The following PDE6B variants were observed in gnomAD, a reference collection of about 807,000 sequenced individuals.
PDE6B encodes the protein rod cGMP-specific 3',5'-cyclic phosphodiesterase subunit beta.
PDE6B carries 106 observed loss-of-function variants against 109.0 expected under a neutral mutation model. That is an observed-to-expected ratio of 0.97 (90% CI 0.83 to 1.14). The LOEUF is 1.14. Ranked by LOEUF, PDE6B falls within the 50% of genes most tolerant of loss-of-function variation. PDE6B has a pLI of 0.00. For missense variants in PDE6B, 1,193 were observed against 1,155.6 expected (o/e 1.03, Z -0.47); for synonymous variants, 490 against 471.3 (o/e 1.04, Z -0.51).
At chr4:655,659 A>G (rs1324813184) in intron 6 of PDE6B, 1 of 544,658 alleles carries the variant, frequency 1.8e-6, no homozygotes, top group African/African-American at 1.9e-5. Flanking sequence ...CTCAGAGAAG[A>G]GAGTAAATGC....
intron 10 of PDE6B, 66 bp from the exon 11 acceptor site, chr4:658,886 C>T (rs112576560): frequency 5.8e-5 from 67 of 1,153,068 alleles, no homozygotes; most frequent in Middle Eastern, 3.9e-4. Context: ...ACGGGGTGGA[C>T]GCACCGCCGT....
At position 666,496 on chromosome 4, in the gene PDE6B, G is replaced by T. The variant is rs780157699; in HGVS notation, c.2269-35G>T. 14 of 1,487,986 alleles carry T rather than the reference G, an allele frequency of 9.4e-6. No individual in the cohort carries two copies. Among genetic ancestry groups the T allele is most frequent in the Non-Finnish European group, 1.3e-5 (14 of 1,066,174 alleles). 92.2% of individuals were successfully genotyped at this position (1,487,986 alleles called of 1,614,324 possible). A position where few individuals can be genotyped will look rare whatever the true frequency, so the allele number is the denominator to read the frequency against. ...CGGGGCCCCAGGAGCTGCCTCCCTG[G>T]TCACTGTTCTCCCGCCCTCTGTTCC... On this transcript the variant is annotated intron_variant, in intron 19 of 21. Transcript: ENST00000496514. This position sits in a 1 kb window ranked among gnomAD's most constrained non-coding sequence, Gnocchi z 5.6.
intron 12 of PDE6B, 196 bp from the exon 13 acceptor site, chr4:661,938 A>G: frequency 1.6e-6 from 1 of 621,130 alleles, no homozygotes; most frequent in Non-Finnish European, 2.9e-6. Flanking sequence ...ATAGGTGCCA[A>G]TGTGGCAGCC....
Position 635,956 on chromosome 4 carries a change from C to T in PDE6B, c.698C>T (p.Thr233Met), listed in dbSNP as rs752852029. ...CTGAGCTACCTCCACAACTGCGAGA[C>T]GCGCCGCGGCCAGGTACCCACACGC... ...YHLSYLHNCE[T>M]RRGQVLLWSA... Residue 233 changes from threonine (T) to methionine (M), a missense_variant, in exon 3 of 22, where the codon ACG becomes ATG. Coordinates refer to ENST00000496514, the MANE Select transcript of PDE6B (RefSeq NM_000283.4). The T allele has an allele frequency of 1.3e-5, 21 of 1,603,516 alleles. 1 individual carries two copies. The highest frequency in any genetic ancestry group is 3.3e-4 in the Middle Eastern group (2 of 6,070).
intron 3 of PDE6B, among the ~76,000 whole-genome samples, chr4:649,633 G>T (rs910386468): frequency 6.6e-6 from 1 of 152,124 alleles, no homozygotes; most frequent in Non-Finnish European, 1.5e-5. Flanking sequence ...CTGTTCGCTG[G>T]TGGACCCACA....
chr4:632,833 G>A (rs1282660618), intron 1 of PDE6B, among the ~76,000 whole-genome samples: 9 of 145,236 alleles, frequency 6.2e-5, no homozygotes, highest in Non-Finnish European at 1.2e-4. Flanking sequence ...GTGTGGTGCC[G>A]TCTGAGGGTC....
chr4:655,290 TG>T lies in PDE6B; in HGVS notation c.992+406del, dbSNP rs554306113. On this transcript the variant is annotated intron_variant, in intron 6 of 21. Coordinates refer to ENST00000496514, the MANE Select transcript of PDE6B (RefSeq NM_000283.4). ...GCCAGGAGGCCGAGTCTTGGCCCCG[TG>T]GGGCTGGAAGAGGAGGGGAACTCCA... The T allele has an allele frequency of 6.3e-4, 193 of 306,010 alleles. 1 individual carries two copies. Among genetic ancestry groups the T allele is most frequent in the South Asian group, 6.2e-3 (190 of 30,724 alleles). 19.0% of individuals were successfully genotyped at this position (306,010 alleles called of 1,614,324 possible).
Position 664,224 on chromosome 4 carries a change from G to A in PDE6B, c.2129+3G>A, listed in dbSNP as rs753240857. On this transcript the variant is annotated splice_donor_region_variant and intron_variant, in intron 17 of 21. Transcript: ENST00000496514. The stretch of plus-strand genomic sequence containing the variant: ...ACGACCCGGAAGGAGATCGTCATGT[G>A]AGCGCGGGCGGAGGGGGCACGAGGG... 7 of 1,548,210 alleles carry A rather than the reference G, an allele frequency of 4.5e-6. No individual in the cohort carries two copies. The highest frequency in any genetic ancestry group is 6.2e-6 in the Non-Finnish European group (7 of 1,120,662).
chr4:667,508 G>A (rs937689308), intron 20 of PDE6B, among the ~76,000 whole-genome samples: 6 of 152,152 alleles, frequency 3.9e-5, no homozygotes, highest in Non-Finnish European at 7.4e-5. Flanking sequence ...TGGGAGGGAC[G>A]GGAGAAGGCA....
intron 3 of PDE6B, among the ~76,000 whole-genome samples, chr4:638,427 A>G (rs1184111986): frequency 1.3e-5 from 2 of 152,038 alleles, no homozygotes; most frequent in Non-Finnish European, 2.9e-5. Flanking sequence ...GGTTCAAGCG[A>G]TTCTCCTGCC....
chr4:644,361 A>G (rs2109155865), intron 3 of PDE6B, among the ~76,000 whole-genome samples: 1 of 151,908 alleles, frequency 6.6e-6, no homozygotes, highest in African/African-American at 2.4e-5. Flanking sequence ...CATATTTTTC[A>G]TTATTTTTAT....
At chr4:643,775 C>A (rs968346614) in intron 3 of PDE6B, among the ~76,000 whole-genome samples, 2 of 149,980 alleles carry the variant, frequency 1.3e-5, no homozygotes, top group Admixed American at 6.6e-5. Context: ...TTTCTAGTTT[C>A]TTAAGCTTTG....
At chr4:654,659 T>C in intron 5 of PDE6B, 165 bp from the exon 6 acceptor site, 2 of 729,698 alleles carry the variant, frequency 2.7e-6, no homozygotes, top group East Asian at 2.5e-5. Context: ...GTAGAATACC[T>C]GCGCACGGCG....
In PDE6B at chr4:664,185, A is replaced by G; in HGVS notation, c.2093A>G (p.Tyr698Cys). 6.2e-7 allele frequency: 1 copy of G among 1,610,672 alleles called. No individual in the cohort carries two copies. Among genetic ancestry groups the G allele is most frequent in the Non-Finnish European group, 8.5e-7 (1 of 1,177,268 alleles). ...CAGGACAAGAAGAGCTGGGTGGAGT[A>G]CCTGTCCCTGGAGACGACCCGGAAG... Reference protein sequence around the residue: ...NYQDKKSWVEYLSLETTRKEI... With the variant: ...NYQDKKSWVECLSLETTRKEI... The change falls in exon 17 of 22, where the codon TAC (tyrosine) becomes TGC (cysteine). Residue 698 changes from tyrosine to cysteine, a missense_variant. By Grantham distance (194) the Tyr-to-Cys change is radical. Transcript: ENST00000496514.
intron 16 of PDE6B, 36 bp from the exon 17 acceptor site, chr4:664,078 G>A (rs374508138): frequency 1.4e-6 from 2 of 1,426,644 alleles, no homozygotes; most frequent in Non-Finnish European, 2.0e-6. Flanking sequence ...CTCCACACTT[G>A]CTCCCACCTG....
intron 7 of PDE6B, 44 bp from the exon 8 acceptor site, chr4:656,192 ATAACAGACC>A: frequency 7.5e-7 from 1 of 1,326,392 alleles, no homozygotes; most frequent in Non-Finnish European, 1.1e-6. Context: ...ATTTTAGATC[ATAACAGACC>A]TTCCGCTGTT....
chr4:654,650 T>C (rs1228486091), intron 5 of PDE6B, 174 bp from the exon 6 acceptor site: 4 of 709,448 alleles, frequency 5.6e-6, no homozygotes, highest in Non-Finnish European at 1.0e-5. Flanking sequence ...CCCGCATTCG[T>C]AGAATACCTG....
At chr4:627,898 C>A (rs574395586) in intron 1 of PDE6B, among the ~76,000 whole-genome samples, 1 of 152,068 alleles carries the variant, frequency 6.6e-6, no homozygotes, top group African/African-American at 2.4e-5. Flanking sequence ...CTCTGCGGGT[C>A]CCCCTCAAAC....
chr4:660,497 G>C lies in PDE6B; in HGVS notation c.1498G>C (p.Asp500His), dbSNP rs1287509484. The C allele has an allele frequency of 6.2e-7, 1 of 1,613,924 alleles. No homozygotes were observed. The highest frequency in any genetic ancestry group is 1.7e-5 in the Admixed American group (1 of 60,026). ...GGAGCTGCCAGGGCCCACCACATTT[G>C]ACATCTACGAATTCCACTTCTCTGA... The part of the protein sequence containing the change: ...KEELPGPTTF[D>H]IYEFHFSDLE... The change falls in exon 12 of 22, where the codon GAC (aspartate) becomes CAC (histidine). Residue 500 changes from aspartate to histidine, a missense_variant. Asp to His is a moderately conservative substitution (Grantham distance 81, BLOSUM62 -1). Transcript: ENST00000496514.
Sources: allele counts gnomAD v4.1 joint callset (sites outside exome capture counted in the v4.1 genomes callset), GRCh38; gene constraint gnomAD v4.1.1; non-coding constraint Gnocchi (gnomAD v3.1); transcripts MANE v1.5; gene names NCBI Gene and HGNC (gene_info 2026-07-23, HGNC 2026-07-21).